Variants in DIAPH3 observed in about 807,000 individuals in gnomAD.
DIAPH3 encodes the protein diaphanous related formin 3, also known as protein diaphanous homolog 3.
Under a neutral mutation model 144.3 loss-of-function variants are expected in DIAPH3, and 117 were observed. The observed-to-expected ratio is 0.81, with a 90% CI of 0.70 to 0.95. The LOEUF is 0.95. Ranked by LOEUF, DIAPH3 falls within the 40% of genes least tolerant of loss-of-function variation. The pLI is 0.00. For missense variants in DIAPH3, 1,421 were observed against 1,412.7 expected, an observed-to-expected ratio of 1.01 and a Z score of -0.09; for synonymous variants, 519 against 488.9, an observed-to-expected ratio of 1.06 and a Z score of -0.81.
At position 60,083,835 on chromosome 13, in the gene DIAPH3, TCAGTATTA is replaced by T. The variant is rs2057647603; in HGVS notation, c.495+9785_495+9792del. On this transcript the variant is annotated intron_variant, in intron 4 of 27. Transcript: ENST00000400324. ...TGGAGGATCACTTGAGCCCAGGAGT[TCAGTATTA>T]CAGTAAGCTATCATCACTACTGCAC... Among the ~76,000 whole-genome samples, 4 of 151,942 alleles carry T rather than the reference TCAGTATTA, an allele frequency of 2.6e-5. No individual in the cohort carries two copies. In the South Asian group the frequency reaches 8.3e-4, roughly 32 times the overall value.
chr13:59,800,230 T>G (rs538127581), intron 25 of DIAPH3, among the ~76,000 whole-genome samples: 1 of 152,346 alleles, frequency 6.6e-6, no homozygotes, highest in Admixed American at 6.5e-5. Flanking sequence ...GTTCCTCAGT[T>G]TCTAAGAATG....
chr13:60,141,973 T>C (rs529953291), intron 1 of DIAPH3, among the ~76,000 whole-genome samples: 1 of 152,118 alleles, frequency 6.6e-6, no homozygotes, highest in East Asian at 1.9e-4. Flanking sequence ...GTGTTTGCAA[T>C]AGAAAAAACA....
At chr13:59,684,521 T>G (rs1437037013) in intron 27 of DIAPH3, among the ~76,000 whole-genome samples, 2 of 152,212 alleles carry the variant, frequency 1.3e-5, no homozygotes, top group African/African-American at 4.8e-5. Context: ...GCACCTTTCT[T>G]TGTTTACTGG....
intron 22 of DIAPH3, among the ~76,000 whole-genome samples, chr13:59,858,137 T>C (rs1383270426): frequency 6.6e-6 from 1 of 152,108 alleles, no homozygotes; most frequent in Non-Finnish European, 1.5e-5. Context: ...ATAATGGTGG[T>C]ATTATGGGAA....
intron 27 of DIAPH3, among the ~76,000 whole-genome samples, chr13:59,748,569 T>G (rs950893025): frequency 2.0e-5 from 3 of 152,226 alleles, no homozygotes; most frequent in Non-Finnish European, 2.9e-5. Context: ...TAAATTAGAA[T>G]CCTCCTAACT....
intron 25 of DIAPH3, among the ~76,000 whole-genome samples, chr13:59,780,707 C>T (rs2139326208): frequency 6.6e-6 from 1 of 152,172 alleles, no homozygotes; most frequent in African/African-American, 2.4e-5. Context: ...GGCGGAACTG[C>T]TAAGGACATG....
intron 2 of DIAPH3, among the ~76,000 whole-genome samples, chr13:60,123,651 C>A (rs548140451): frequency 6.6e-4 from 101 of 152,284 alleles, no homozygotes; most frequent in Middle Eastern, 3.4e-3. Context: ...ATGTATTTTA[C>A]ATTCAGTCGC....
chr13:59,857,429 G>A (rs1468175432), intron 22 of DIAPH3, among the ~76,000 whole-genome samples: 3 of 152,100 alleles, frequency 2.0e-5, no homozygotes, highest in Non-Finnish European at 4.4e-5. Flanking sequence ...CATATAAACA[G>A]AGTCTTAGAA....
chr13:59,764,635 G>GCAGC (rs1566277501), intron 27 of DIAPH3, among the ~76,000 whole-genome samples: 1 of 149,378 alleles, frequency 6.7e-6, no homozygotes, highest in East Asian at 2.0e-4. Flanking sequence ...TCCCTATAAG[G>GCAGC]CAGCCATGTG....
chr13:60,141,576 G>A (rs1277239429), intron 1 of DIAPH3, among the ~76,000 whole-genome samples: 1 of 152,238 alleles, frequency 6.6e-6, no homozygotes, highest in Non-Finnish European at 1.5e-5. Flanking sequence ...TTTTAGCCAT[G>A]ATTCAGGTAA....
At chr13:60,043,352 C>T (rs1260894805) in intron 4 of DIAPH3, among the ~76,000 whole-genome samples, 1 of 152,028 alleles carries the variant, frequency 6.6e-6, no homozygotes, top group Non-Finnish European at 1.5e-5. Flanking sequence ...AACACAGCAC[C>T]AAGAGACTCA....
chr13:59,810,615 C>A (rs1398404061), intron 25 of DIAPH3, among the ~76,000 whole-genome samples, 173 bp downstream of exon 25: 1 of 152,112 alleles, frequency 6.6e-6, no homozygotes, highest in Non-Finnish European at 1.5e-5. Flanking sequence ...CTACACTACT[C>A]GTTAGTAAAT....
chr13:59,904,067 T>C lies in DIAPH3; in HGVS notation c.2367+7668A>G, dbSNP rs150647085. ...ATACTGAATTTTGTATAGAATGAAGTGTTAGGGAAAGCTCCCCAAAGAGGC... is the reference window on the plus strand; with the variant it reads ...ATACTGAATTTTGTATAGAATGAAGCGTTAGGGAAAGCTCCCCAAAGAGGC... On this transcript the variant is annotated intron_variant, in intron 20 of 27. Coordinates refer to ENST00000400324, the MANE Select transcript of DIAPH3 (RefSeq NM_001042517.2). Among the ~76,000 whole-genome samples the C allele has an allele frequency of 3.9e-3, 596 of 152,214 alleles. 5 individuals are homozygous for C. Among genetic ancestry groups the C allele is most frequent in the African/African-American group, 0.014 (579 of 41,534 alleles).
chr13:59,858,195 G>C (rs553450124), intron 22 of DIAPH3, among the ~76,000 whole-genome samples: 16 of 151,914 alleles, frequency 1.1e-4, no homozygotes, highest in Admixed American at 2.0e-4. Flanking sequence ...AGAAGAGAAG[G>C]GTTCACCATT....
At chr13:60,146,116 G>A (rs1951507902) in intron 1 of DIAPH3, among the ~76,000 whole-genome samples, 1 of 152,054 alleles carries the variant, frequency 6.6e-6, no homozygotes, top group South Asian at 2.1e-4. Context: ...TTTATAAAAT[G>A]AGCATCTGAA....
chr13:59,833,176 G>A lies in DIAPH3; in HGVS notation c.2958C>T (p.Ala986=), dbSNP rs767552891. Residue 986 remains alanine (A), a synonymous_variant, in exon 24 of 28, where the codon GCC becomes GCT. Coordinates refer to ENST00000400324, the MANE Select transcript of DIAPH3 (RefSeq NM_001042517.2). Reference sequence around the variant, plus strand: ...CCACAGACACCTTCTTCACATCAATGGCATAGTATCCTATTATACTCTGGT... The same window carrying A: ...CCACAGACACCTTCTTCACATCAATAGCATAGTATCCTATTATACTCTGGT... ...KLYQSIIGYY[A]IDVKKVSVED... 3.1e-6 allele frequency: 5 copies of A among 1,610,544 alleles called. No homozygotes were observed. In the East Asian group the frequency reaches 8.9e-5, roughly 29 times the overall value.
At chr13:60,121,966 C>A (rs1211979491) in intron 2 of DIAPH3, among the ~76,000 whole-genome samples, 1 of 152,158 alleles carries the variant, frequency 6.6e-6, no homozygotes, top group African/African-American at 2.4e-5. Context: ...CTGCCTCCAT[C>A]TCTTCACTGC....
At chr13:59,916,914 A>G (rs570199138) in intron 18 of DIAPH3, among the ~76,000 whole-genome samples, 108 of 152,248 alleles carry the variant, frequency 7.1e-4, no homozygotes, top group African/African-American at 2.5e-3. Context: ...ATCTTTCTTG[A>G]TGGCTCTTAT....
At chr13:59,883,090 A>G (rs990155089) in intron 20 of DIAPH3, among the ~76,000 whole-genome samples, 1 of 152,180 alleles carries the variant, frequency 6.6e-6, no homozygotes, top group Non-Finnish European at 1.5e-5. Context: ...AGAAAAATCA[A>G]TGAACTAACA....
Sources: allele counts gnomAD v4.1 joint callset (sites outside exome capture counted in the v4.1 genomes callset), GRCh38; gene constraint gnomAD v4.1.1; transcripts MANE v1.5; gene names NCBI Gene and HGNC (gene_info 2026-07-23, HGNC 2026-07-21).